PCDHGB2: variants seen among roughly 807,000 people sequenced by gnomAD.
PCDHGB2 encodes protocadherin gamma subfamily B, 2, also known as protocadherin gamma-B2.
In PCDHGB2, 55 loss-of-function variants were observed where a neutral mutation model predicts 59.3. That is an observed-to-expected ratio of 0.93 (90% CI 0.75 to 1.16). The LOEUF (loss-of-function observed/expected upper bound fraction) is 1.16, where lower values mean the gene tolerates loss of function less well. Ranked by LOEUF, PCDHGB2 falls within the 50% of genes most tolerant of loss-of-function variation. PCDHGB2 has a pLI of 0.00. For missense variants in PCDHGB2, 1,228 were observed against 1,198.5 expected (o/e 1.02, Z -0.36); for synonymous variants, 516 against 512.0 (o/e 1.01, Z -0.11).
At chr5:141,375,585 T>C (rs765334095) in intron 1 of PCDHGB2, 7 of 1,614,014 alleles carry the variant, frequency 4.3e-6, no homozygotes, top group African/African-American at 1.3e-5. Context: ...GGGGCGCCCC[T>C]GTCCTCCTAC....
intron 1 of PCDHGB2, chr5:141,402,790 A>G: frequency 1.0e-6 from 1 of 961,364 alleles, no homozygotes; most frequent in Non-Finnish European, 1.5e-6. Flanking sequence ...TTCTGCGGCT[A>G]CACAAAACCC....
At chr5:141,376,589 C>T (rs774042696) in intron 1 of PCDHGB2, 3 of 1,568,090 alleles carry the variant, frequency 1.9e-6, no homozygotes, top group Non-Finnish European at 2.6e-6. Context: ...TCAGCTAGAT[C>T]GGCTGTTATA....
intron 1 of PCDHGB2, chr5:141,414,584 C>G (rs1359132446): frequency 3.1e-6 from 5 of 1,613,956 alleles, no homozygotes; most frequent in Non-Finnish European, 4.2e-6. Context: ...GAGAACAACG[C>G]CAGGGGTGCC....
chr5:141,415,409 TG>T (rs763291157), intron 1 of PCDHGB2: 1 of 1,614,208 alleles, frequency 6.2e-7, no homozygotes, highest in Non-Finnish European at 8.5e-7. Context: ...TCGCACTTTG[TG>T]GGCGTGGACG....
chr5:141,408,279 A>G (rs1313502495), intron 1 of PCDHGB2: 1 of 1,612,184 alleles, frequency 6.2e-7, no homozygotes, highest in Admixed American at 1.7e-5. Flanking sequence ...CCTTTGTTCT[A>G]CCCCACCCTG....
intron 1 of PCDHGB2, chr5:141,399,082 G>A: frequency 6.2e-7 from 1 of 1,613,822 alleles, no homozygotes; most frequent in East Asian, 2.2e-5. Flanking sequence ...AGAAGGGAGG[G>A]ATGGTGGTGG....
chr5:141,408,131 G>C, intron 1 of PCDHGB2: 1 of 1,482,338 alleles, frequency 6.7e-7, no homozygotes, highest in South Asian at 1.4e-5. Flanking sequence ...TGGGCCGAAT[G>C]CTCTTTTAGC....
At position 141,403,235 on chromosome 5, in the gene PCDHGB2, C is replaced by T. The variant is rs757212212; in HGVS notation, c.2421+40679C>T. The T allele has an allele frequency of 2.9e-5, 47 of 1,613,842 alleles. No individual in the cohort carries two copies. In the Admixed American group the frequency reaches 7.7e-4, roughly 26 times the overall value. ...CGCGGGTAGGATAGACCGGGAGGAGCTCTGTGCTCAGAGCCCGCGGTGTCT... is the reference window on the plus strand; with the variant it reads ...CGCGGGTAGGATAGACCGGGAGGAGTTCTGTGCTCAGAGCCCGCGGTGTCT... On this transcript the variant is annotated intron_variant, in intron 1 of 3. Transcript: ENST00000522605.
chr5:141,361,134 CCAAG>C lies in PCDHGB2; in HGVS notation c.1000_1003del (p.Gln334LeufsTer15), dbSNP rs750013813. 191 of 1,613,798 alleles carry C rather than the reference CCAAG, an allele frequency of 1.2e-4. 1 individual carries two copies. The Admixed American group carries it at 3.2e-3, about 27-fold the overall frequency. On this transcript the variant is annotated frameshift_variant, in exon 1 of 4. Transcript: ENST00000522605. LOFTEE classifies it high-confidence loss of function. ...GAGATCTAGCAGCCCACTGCAGTAT[CCAAG>C]TTGAAATTCTTGATGACAACGATTG...
intron 1 of PCDHGB2, among the ~76,000 whole-genome samples, chr5:141,469,108 C>A (rs923728484): frequency 4.0e-5 from 6 of 151,768 alleles, no homozygotes; most frequent in Non-Finnish European, 5.9e-5. Context: ...AAGAACCTGT[C>A]TCTAAAAAAA....
chr5:141,377,448 G>A (rs976885039), intron 1 of PCDHGB2: 1 of 151,974 alleles, frequency 6.6e-6, no homozygotes, highest in Non-Finnish European at 1.5e-5. Flanking sequence ...AGAAAAAAAA[G>A]TAGCCAGATG....
intron 1 of PCDHGB2, among the ~76,000 whole-genome samples, chr5:141,462,105 G>A (rs2099031983): frequency 6.6e-6 from 1 of 152,170 alleles, no homozygotes; most frequent in South Asian, 2.1e-4. Flanking sequence ...TTACAGGCAT[G>A]AGCCACTGCA....
In PCDHGB2 at chr5:141,430,862, G is replaced by A. The variant is rs1365140768; in HGVS notation, c.2422-63945G>A. ...CGGATGCACCCAGATACGCTATTCA[G>A]TTCCGGAAGAGCTGGAGAAAGGCTC... is the stretch of plus-strand genomic sequence containing the variant. On this transcript the variant is annotated intron_variant, in intron 1 of 3. Transcript: ENST00000522605. 3 of 1,594,672 alleles carry A rather than the reference G, an allele frequency of 1.9e-6. No individual in the cohort carries two copies. The African/African-American group carries it at 4.0e-5, about 21-fold the overall frequency.
Position 141,375,441 on chromosome 5 carries a change from C to T in PCDHGB2, c.2421+12885C>T, listed in dbSNP as rs904228732. 4.3e-6 allele frequency: 7 copies of T among 1,613,912 alleles called. No individual in the cohort carries two copies. The highest frequency in any genetic ancestry group is 1.7e-5 in the Admixed American group (1 of 60,012). ...ACCAACGACAACCCGCCCACCTTCC[C>T]CCATTCATCCTACTCAGTCTATGTC... is the stretch of plus-strand genomic sequence containing the variant. On this transcript the variant is annotated intron_variant, in intron 1 of 3. Transcript: ENST00000522605.
intron 1 of PCDHGB2, among the ~76,000 whole-genome samples, chr5:141,380,452 A>G (rs939705980): frequency 9.9e-5 from 15 of 152,226 alleles, no homozygotes; most frequent in African/African-American, 3.6e-4. Flanking sequence ...TTTTTAATGC[A>G]ACCAAACAAA....
At chr5:141,418,455 C>G (rs1287627325) in intron 1 of PCDHGB2, 3 of 1,613,990 alleles carry the variant, frequency 1.9e-6, no homozygotes, top group Non-Finnish European at 2.5e-6. Flanking sequence ...TTGCAGAAGA[C>G]TCTGGACCGA....
At chr5:141,376,144 G>T (rs753001081) in intron 1 of PCDHGB2, 1 of 1,613,918 alleles carries the variant, frequency 6.2e-7, no homozygotes, top group Non-Finnish European at 8.5e-7. Flanking sequence ...CCAACGATTC[G>T]GACCTCACTC....
At chr5:141,440,551 T>C (rs1220901075) in intron 1 of PCDHGB2, 2 of 152,350 alleles carry the variant, frequency 1.3e-5, no homozygotes, top group East Asian at 1.9e-4. Context: ...GCAGGAATGT[T>C]ATTAAGTTAC....
At chr5:141,399,445 G>A (rs2093810599) in intron 1 of PCDHGB2, 1 of 1,614,032 alleles carries the variant, frequency 6.2e-7, no homozygotes, top group Non-Finnish European at 8.5e-7. Context: ...ACATATCAGA[G>A]ACGTCAACGA....
Sources: gnomAD v4.1 joint callset for allele counts (sites outside exome capture counted in the v4.1 genomes callset) on GRCh38, gnomAD v4.1.1 for gene constraint, MANE v1.5 for transcripts, NCBI Gene and HGNC (gene_info 2026-07-23, HGNC 2026-07-21) for gene names.